Variants in MAML2 observed in about 807,000 individuals in gnomAD.
MAML2 encodes mastermind like transcriptional coactivator 2.
In MAML2, 22 loss-of-function variants were observed where a neutral mutation model predicts 96.1. The observed-to-expected ratio is 0.23, with a 90% CI of 0.16 to 0.33. MAML2 has a LOEUF of 0.33. Ranked by LOEUF, MAML2 falls within the 10% of genes least tolerant of loss-of-function variation. The pLI is 1.00. For synonymous variants in MAML2, 561 were observed against 521.3 expected, an observed-to-expected ratio of 1.08 and a Z score of -1.04; for missense variants, 1,367 against 1,392.4, an observed-to-expected ratio of 0.98 and a Z score of 0.29.
At chr11:96,328,628 G>A (rs968185958) in intron 1 of MAML2, among the ~76,000 whole-genome samples, 1 of 152,180 alleles carries the variant, frequency 6.6e-6, no homozygotes, top group South Asian at 2.1e-4. Context: ...GAGGGAGAGA[G>A]GGGACTGTGT....
intron 1 of MAML2, among the ~76,000 whole-genome samples, chr11:96,178,389 T>C (rs1484684240): frequency 6.6e-6 from 1 of 152,154 alleles, no homozygotes; most frequent in Non-Finnish European, 1.5e-5. Context: ...AAATCACCCC[T>C]GACTTTGATC....
intron 1 of MAML2, among the ~76,000 whole-genome samples, chr11:96,288,787 G>A (rs117076709): frequency 3.7e-3 from 564 of 152,188 alleles, no homozygotes; most frequent in South Asian, 7.7e-3. Flanking sequence ...GAAGCACGGC[G>A]AAACTCAAAA....
intron 2 of MAML2, among the ~76,000 whole-genome samples, chr11:96,025,026 A>G (rs1033761300): frequency 1.3e-5 from 2 of 152,204 alleles, no homozygotes; most frequent in African/African-American, 4.8e-5. Flanking sequence ...ACTACCGTTC[A>G]ACCCAGAAAT....
At chr11:96,132,089 G>A (rs931204387) in intron 1 of MAML2, among the ~76,000 whole-genome samples, 3 of 152,184 alleles carry the variant, frequency 2.0e-5, no homozygotes, top group Non-Finnish European at 4.4e-5. Flanking sequence ...GATCACATCT[G>A]TCTTGCACAG....
intron 1 of MAML2, among the ~76,000 whole-genome samples, chr11:96,145,940 C>T (rs1269748389): frequency 2.0e-5 from 3 of 151,922 alleles, no homozygotes; most frequent in South Asian, 4.1e-4. Context: ...ACCTGGGAGG[C>T]GGAGGTTGCA....
At chr11:96,079,728 CAT>C (rs1018292517) in intron 2 of MAML2, among the ~76,000 whole-genome samples, 1 of 152,094 alleles carries the variant, frequency 6.6e-6, no homozygotes, top group Non-Finnish European at 1.5e-5. Context: ...AGGAAGCGAC[CAT>C]CAGATGAAAT....
chr11:96,089,259 C>G (rs1206885766), intron 2 of MAML2, among the ~76,000 whole-genome samples: 1 of 152,144 alleles, frequency 6.6e-6, no homozygotes, highest in South Asian at 2.1e-4. Flanking sequence ...AGAATACATG[C>G]CAACACACTG....
chr11:96,216,710 C>T (rs183202236), intron 1 of MAML2, among the ~76,000 whole-genome samples: 2 of 152,226 alleles, frequency 1.3e-5, no homozygotes, highest in Non-Finnish European at 2.9e-5. Context: ...TCTCAGGAAG[C>T]GTGCAGCCCA....
chr11:96,182,506 T>C (rs985173370), intron 1 of MAML2, among the ~76,000 whole-genome samples: 1 of 152,094 alleles, frequency 6.6e-6, no homozygotes, highest in African/African-American at 2.4e-5. Context: ...TGCTACTAGA[T>C]GTAGAATTAA....
At chr11:96,245,705 A>ATT (rs59597889) in intron 1 of MAML2, among the ~76,000 whole-genome samples, 30,423 of 136,824 alleles carry the variant, frequency 0.22, 3,529 homozygotes, top group Middle Eastern at 0.32. Flanking sequence ...CCCATACCTA[A>ATT]TTTTTTTTTT....
At chr11:96,119,664 A>G (rs1171866952) in intron 1 of MAML2, among the ~76,000 whole-genome samples, 1 of 152,202 alleles carries the variant, frequency 6.6e-6, no homozygotes, top group Non-Finnish European at 1.5e-5. Flanking sequence ...CTGGGTCTAG[A>G]ACTCCTGTAA....
At position 96,240,557 on chromosome 11, in the gene MAML2, C is replaced by CAACA. The variant is rs568304250; in HGVS notation, c.513+100825_513+100826insTGTT. On this transcript the variant is annotated intron_variant, in intron 1 of 4. Transcript: ENST00000524717. The stretch of plus-strand genomic sequence containing the variant: ...TGGGCGACAGAGCGAGACTCCGTCT[C>CAACA]AAAAAAAAAAAAAAAAAAAAAAAAA... 5.3e-4 allele frequency among the ~76,000 whole-genome samples: 27 copies of CAACA among 51,094 alleles called. 2 individuals carry two copies. The highest frequency in any genetic ancestry group is 2.0e-3 in the East Asian group (3 of 1,504). The allele number at this position is 51,094 out of a possible 152,430, so 33.5% of individuals were successfully genotyped here. A position where few individuals can be genotyped will look rare whatever the true frequency, so the allele number is the denominator to read the frequency against.
chr11:96,177,920 GTGTGTGTGTGTGT>G (rs1861413082), intron 1 of MAML2, among the ~76,000 whole-genome samples: 1 of 73,596 alleles, frequency 1.4e-5, no homozygotes, highest in South Asian at 4.5e-4. Flanking sequence ...CCTTAGTTGT[GTGTGTGTGTGTGT>G]GTGTGTGTGT....
chr11:96,253,338 T>C (rs1297508325), intron 1 of MAML2, among the ~76,000 whole-genome samples: 1 of 152,178 alleles, frequency 6.6e-6, no homozygotes, highest in African/African-American at 2.4e-5. Flanking sequence ...AACATGACAA[T>C]GCCAAGGAAT....
intron 2 of MAML2, among the ~76,000 whole-genome samples, chr11:96,019,688 A>T (rs651698): frequency 2.2e-5 from 3 of 138,878 alleles, no homozygotes; most frequent in Non-Finnish European, 4.7e-5. Context: ...TAATAATTAT[A>T]ATAATAATAA....
intron 1 of MAML2, among the ~76,000 whole-genome samples, chr11:96,260,327 C>T (rs1018113006): frequency 3.3e-5 from 5 of 152,206 alleles, no homozygotes; most frequent in Non-Finnish European, 7.4e-5. Context: ...ACAGGAGTTC[C>T]TTCTAAAACC....
chr11:96,214,468 C>A (rs1862019285), intron 1 of MAML2, among the ~76,000 whole-genome samples: 1 of 152,188 alleles, frequency 6.6e-6, no homozygotes, highest in South Asian at 2.1e-4. Flanking sequence ...TGTAATCTCT[C>A]TAGAACCTTT....
rs151159420 is a variant in MAML2, at chr11:96,081,292, T to C, written c.2139+10600A>G. On this transcript the variant is annotated intron_variant, in intron 2 of 4. Transcript: ENST00000524717. ...AGTATAATACTGAATTAAAGCATAA[T>C]ATTCATTATGAATATGAATATTTAT... is the stretch of plus-strand genomic sequence containing the variant. Among the ~76,000 whole-genome samples the C allele has an allele frequency of 2.4e-3, 364 of 152,326 alleles. 1 individual carries two copies. The highest frequency in any genetic ancestry group is 8.4e-3 in the African/African-American group (348 of 41,564).
At chr11:96,313,025 T>C (rs915645847) in intron 1 of MAML2, among the ~76,000 whole-genome samples, 15 of 152,222 alleles carry the variant, frequency 9.9e-5, no homozygotes, top group African/African-American at 3.4e-4. Flanking sequence ...GACAAAATAA[T>C]AATCTTTAAG....
Sources: gnomAD v4.1 joint callset for allele counts (sites outside exome capture counted in the v4.1 genomes callset) on GRCh38, gnomAD v4.1.1 for gene constraint, MANE v1.5 for transcripts, NCBI Gene and HGNC (gene_info 2026-07-23, HGNC 2026-07-21) for gene names.